LIN9: variants seen among roughly 807,000 people sequenced by gnomAD.
LIN9 encodes the protein protein lin-9 homolog.
A neutral mutation model predicts 78.0 loss-of-function variants in LIN9; 18 were observed. The ratio of observed to expected loss-of-function variants is 0.23; its 90% CI spans 0.16 to 0.34. The LOEUF is 0.34. LIN9 is among the 10% of genes least tolerant of loss of function. The pLI is 1.00. For missense variants in LIN9, 451 were observed against 644.1 expected (o/e 0.70, Z 3.25); for synonymous variants, 192 against 215.2 (o/e 0.89, Z 0.94).
chr1:226,278,931 C>T (rs751314073), intron 6 of LIN9, among the ~76,000 whole-genome samples: 8 of 148,704 alleles, frequency 5.4e-5, no homozygotes, highest in Non-Finnish European at 1.2e-4. Context: ...ACCATCCTGG[C>T]TAACATGGTG....
rs532382171 is a variant in LIN9 at position 226,308,567 on chromosome 1, T to TG, written c.31+541dup. ...ACACTTCCAGGGGTGGACACACCGG[T>TG]GGGGGGGTGGGGAGGACAGTGAAGA... On this transcript the variant is annotated intron_variant, in intron 1 of 14. Coordinates refer to ENST00000681046, the MANE Select transcript of LIN9 (RefSeq NM_001366245.2). Among the ~76,000 whole-genome samples the TG allele has an allele frequency of 3.3e-5, 5 of 151,044 alleles. No homozygotes were observed. In the South Asian group the frequency reaches 8.5e-4, roughly 26 times the overall value.
intron 6 of LIN9, among the ~76,000 whole-genome samples, chr1:226,285,739 A>G (rs1271253501): frequency 6.6e-6 from 1 of 152,180 alleles, no homozygotes; most frequent in Non-Finnish European, 1.5e-5. Context: ...CTACTTTTAT[A>G]TAAAATAAAA....
intron 6 of LIN9, among the ~76,000 whole-genome samples, chr1:226,285,847 G>A (rs578214117): frequency 6.6e-6 from 1 of 152,110 alleles, no homozygotes; most frequent in Admixed American, 6.5e-5. Flanking sequence ...TACTTTTTAG[G>A]ACATTCTTAA....
At chr1:226,283,705 T>C (rs1016291649) in intron 6 of LIN9, among the ~76,000 whole-genome samples, 11 of 152,278 alleles carry the variant, frequency 7.2e-5, no homozygotes, top group African/African-American at 2.6e-4. Context: ...CTCAGCACTC[T>C]GGGAGGCCGG....
chr1:226,264,600 C>T (rs1368139203), intron 10 of LIN9, among the ~76,000 whole-genome samples: 1 of 152,104 alleles, frequency 6.6e-6, no homozygotes, highest in Non-Finnish European at 1.5e-5. Flanking sequence ...AATCCCAGCA[C>T]TTTGGGAGGC....
chr1:226,233,818 A>G (rs886948754), intron 12 of LIN9, among the ~76,000 whole-genome samples: 7 of 152,226 alleles, frequency 4.6e-5, no homozygotes, highest in Admixed American at 2.0e-4. Flanking sequence ...TTGATCTGCC[A>G]TTTGATCTCT....
At chr1:226,243,239 A>G (rs571455262) in intron 11 of LIN9, among the ~76,000 whole-genome samples, 2 of 152,396 alleles carry the variant, frequency 1.3e-5, no homozygotes, top group South Asian at 2.1e-4. Context: ...TTCCACTAGT[A>G]GCCTTAGAAA....
intron 10 of LIN9, among the ~76,000 whole-genome samples, chr1:226,254,910 C>CAAA (rs78061206): frequency 2.8e-4 from 14 of 50,658 alleles, no homozygotes; most frequent in Non-Finnish European, 3.3e-4. Context: ...GACTCTGTCT[C>CAAA]AAAAAAAAAA....
intron 1 of LIN9, among the ~76,000 whole-genome samples, chr1:226,306,240 G>T (rs1202607905): frequency 1.3e-5 from 2 of 152,020 alleles, no homozygotes; most frequent in African/African-American, 4.8e-5. Flanking sequence ...CAGGAGAATG[G>T]CTTGAACCCG....
intron 11 of LIN9, among the ~76,000 whole-genome samples, chr1:226,244,903 T>A (rs943107171): frequency 6.6e-6 from 1 of 152,238 alleles, no homozygotes; most frequent in Non-Finnish European, 1.5e-5. Context: ...TCCTTCTTGA[T>A]GAACATTCAG....
intron 11 of LIN9, among the ~76,000 whole-genome samples, chr1:226,244,472 ACATT>A (rs1197869055): frequency 6.6e-6 from 1 of 152,120 alleles, no homozygotes; most frequent in Non-Finnish European, 1.5e-5. Flanking sequence ...CAAAAATATG[ACATT>A]CAATTAGGCT....
chr1:226,271,323 C>G (rs374194494), intron 7 of LIN9, among the ~76,000 whole-genome samples: 3 of 152,290 alleles, frequency 2.0e-5, no homozygotes, highest in Admixed American at 1.3e-4. Context: ...AGCAAAATCC[C>G]TAATAGAGTG....
chr1:226,293,421 A>G (rs2102648436), intron 4 of LIN9, among the ~76,000 whole-genome samples: 1 of 152,354 alleles, frequency 6.6e-6, no homozygotes, highest in East Asian at 1.9e-4. Flanking sequence ...TGAATCATCT[A>G]GATTATCCTA....
At chr1:226,253,992 C>T (rs1406554572) in intron 10 of LIN9, among the ~76,000 whole-genome samples, 2 of 152,188 alleles carry the variant, frequency 1.3e-5, no homozygotes, top group Non-Finnish European at 2.9e-5. Flanking sequence ...AGTGCAGTAG[C>T]GTGATCATGG....
intron 10 of LIN9, among the ~76,000 whole-genome samples, chr1:226,263,917 T>C (rs2102904102): frequency 6.6e-6 from 1 of 151,834 alleles, no homozygotes; most frequent in East Asian, 1.9e-4. Context: ...ACAAAACCAA[T>C]AAAAAATATA....
intron 6 of LIN9, among the ~76,000 whole-genome samples, chr1:226,278,167 G>C (rs1249666367): frequency 6.6e-6 from 1 of 152,154 alleles, no homozygotes; most frequent in African/African-American, 2.4e-5. Flanking sequence ...GGTGGCTCAC[G>C]CCTGTTATCC....
intron 6 of LIN9, among the ~76,000 whole-genome samples, chr1:226,285,141 C>T (rs1558193955): frequency 6.6e-6 from 1 of 152,086 alleles, no homozygotes; most frequent in Admixed American, 6.6e-5. Context: ...TATTATGACA[C>T]TCAAACTACA....
intron 7 of LIN9, among the ~76,000 whole-genome samples, chr1:226,274,128 T>C: frequency 6.6e-6 from 1 of 152,208 alleles, no homozygotes; most frequent in African/African-American, 2.4e-5. Context: ...CCACTACGCC[T>C]GGCCTTAACA....
chr1:226,241,954 G>T (rs1459433442), intron 11 of LIN9, among the ~76,000 whole-genome samples: 1 of 151,924 alleles, frequency 6.6e-6, no homozygotes, highest in Non-Finnish European at 1.5e-5. Context: ...TTATCATCTG[G>T]TTATATCTCC....
Sources: allele counts gnomAD v4.1 joint callset (sites outside exome capture counted in the v4.1 genomes callset), GRCh38; gene constraint gnomAD v4.1.1; transcripts MANE v1.5; gene names NCBI Gene and HGNC (gene_info 2026-07-23, HGNC 2026-07-21).